The following RANBP2 variants were observed in gnomAD, a reference collection of about 807,000 sequenced individuals.
RANBP2 encodes the protein E3 SUMO-protein ligase RanBP2.
Under a neutral mutation model 303.6 loss-of-function variants are expected in RANBP2, and 57 were observed. That is an observed-to-expected ratio of 0.19 (90% CI 0.15 to 0.23). RANBP2 has a LOEUF of 0.23. RANBP2 is among the 10% of genes least tolerant of loss of function. The probability of loss-of-function intolerance (pLI) is 1.00; values close to 1 mark genes in which losing one functional copy is unlikely to be tolerated. For missense variants in RANBP2, 3,138 were observed against 3,780.8 expected (o/e 0.83, Z 4.46); for synonymous variants, 1,167 against 1,301.5 (o/e 0.90, Z 2.23).
chr2:109,554,486 G>C, the RANBP2 span, among the ~76,000 whole-genome samples: 1 of 152,268 alleles, frequency 6.6e-6, no homozygotes, highest in East Asian at 1.9e-4. Context: ...GCCCTGGACA[G>C]CATGCCATTC....
Position 108,751,695 on chromosome 2 carries a change from A to G in RANBP2, c.1623A>G (p.Arg541=). 2 of 1,610,362 alleles carry G rather than the reference A, an allele frequency of 1.2e-6. No homozygotes were observed. The highest frequency in any genetic ancestry group is 1.7e-6 in the Non-Finnish European group (2 of 1,179,174). The change falls in exon 11 of 29, where the codon AGA becomes AGG. Residue 541 remains arginine (R), a synonymous_variant. Coordinates refer to ENST00000283195, the MANE Select transcript of RANBP2 (RefSeq NM_006267.5). ...ATGCGGTTTGTACTCTGATTCACAGAAAAGCAGTGTAAGTAGTAAAACAAA... is the reference window on the plus strand; with the variant it reads ...ATGCGGTTTGTACTCTGATTCACAGGAAAGCAGTGTAAGTAGTAAAACAAA... ...WWDAVCTLIH[R]KAVPGNVAKL... is the part of the protein sequence containing the mutation.
the RANBP2 span, among the ~76,000 whole-genome samples, chr2:109,730,776 CTTTTTT>C: frequency 2.5e-5 from 2 of 79,396 alleles, no homozygotes; most frequent in African/African-American, 8.5e-5. Flanking sequence ...CTCTCTCTCT[CTTTTTT>C]TTTTTTTTTT....
the RANBP2 span, among the ~76,000 whole-genome samples, chr2:108,886,405 T>C: frequency 6.6e-6 from 1 of 152,174 alleles, no homozygotes; most frequent in Non-Finnish European, 1.5e-5. Context: ...TCTATTCATG[T>C]CCTTTGCCCA....
At chr2:109,300,128 A>G in the RANBP2 span, among the ~76,000 whole-genome samples, 1,284 of 152,268 alleles carry the variant, frequency 8.4e-3, 13 homozygotes, top group East Asian at 0.046. Context: ...AGCTAGGTGC[A>G]TGTGTCCCTG....
chr2:109,014,329 C>T, the RANBP2 span, among the ~76,000 whole-genome samples: 1 of 152,150 alleles, frequency 6.6e-6, no homozygotes, highest in African/African-American at 2.4e-5. Context: ...ATTTGAAAAC[C>T]CTGATGTGGA....
the RANBP2 span, among the ~76,000 whole-genome samples, chr2:109,671,033 G>A: frequency 6.6e-6 from 1 of 152,202 alleles, no homozygotes; most frequent in East Asian, 1.9e-4. Flanking sequence ...GGGTGTGAGT[G>A]CCTTCGCTGA....
chr2:108,808,093 TTAACA>T, the RANBP2 span, among the ~76,000 whole-genome samples: 1 of 152,236 alleles, frequency 6.6e-6, no homozygotes, highest in African/African-American at 2.4e-5. Context: ...CTTATTTCAC[TTAACA>T]TAAGTGTGTG....
the RANBP2 span, among the ~76,000 whole-genome samples, chr2:109,235,512 C>T: frequency 6.6e-6 from 1 of 152,194 alleles, no homozygotes; most frequent in Admixed American, 6.5e-5. Flanking sequence ...CACATGGGGC[C>T]ATCTGGTCAC....
At chr2:109,069,556 C>T in the RANBP2 span, among the ~76,000 whole-genome samples, 3 of 152,352 alleles carry the variant, frequency 2.0e-5, no homozygotes, top group East Asian at 5.8e-4. Context: ...TTTGCAACAT[C>T]AAAGAGTGAG....
At chr2:108,728,593 TTTATGATGATGATGA>T (rs1694917584) in intron 1 of RANBP2, among the ~76,000 whole-genome samples, 1 of 102,366 alleles carries the variant, frequency 9.8e-6, no homozygotes, top group African/African-American at 3.4e-5. Context: ...ACCCAGCTTA[TTTATGATGATGATGA>T]TGATGATGAT....
the RANBP2 span, among the ~76,000 whole-genome samples, chr2:109,262,539 C>A: frequency 6.6e-6 from 1 of 152,198 alleles, no homozygotes; most frequent in Non-Finnish European, 1.5e-5. Flanking sequence ...CCTCATCCTT[C>A]AAAGGTTTTC....
the RANBP2 span, among the ~76,000 whole-genome samples, chr2:109,376,474 C>A: frequency 1.3e-5 from 2 of 152,268 alleles, no homozygotes; most frequent in Admixed American, 6.5e-5. Flanking sequence ...TTAGCAAATA[C>A]GCCAGTGATT....
the RANBP2 span, among the ~76,000 whole-genome samples, chr2:108,819,075 C>T: frequency 6.6e-6 from 1 of 152,150 alleles, no homozygotes; most frequent in Non-Finnish European, 1.5e-5. Flanking sequence ...ATAAGACTAA[C>T]GTCATCAACA....
chr2:109,638,836 T>C, the RANBP2 span, among the ~76,000 whole-genome samples: 1 of 152,168 alleles, frequency 6.6e-6, no homozygotes. Flanking sequence ...GAAATTGCAT[T>C]GCTGAAGTGA....
At chr2:109,084,071 G>T in the RANBP2 span, among the ~76,000 whole-genome samples, 1 of 152,098 alleles carries the variant, frequency 6.6e-6, no homozygotes, top group Admixed American at 6.6e-5. Flanking sequence ...AATTGGTGTG[G>T]AACTTTAGGA....
chr2:109,515,914 C>T, the RANBP2 span, among the ~76,000 whole-genome samples: 1 of 152,186 alleles, frequency 6.6e-6, no homozygotes, highest in Non-Finnish European at 1.5e-5. Flanking sequence ...CCCCACGACC[C>T]AAACACCGCC....
At chr2:108,754,639 C>A (rs1442671518) in intron 15 of RANBP2, among the ~76,000 whole-genome samples, 1 of 151,268 alleles carries the variant, frequency 6.6e-6, no homozygotes, top group African/African-American at 2.4e-5. Context: ...AGAGCATGGA[C>A]TTTAGAATCA....
the RANBP2 span, among the ~76,000 whole-genome samples, chr2:109,101,291 C>T: frequency 6.6e-6 from 1 of 152,100 alleles, no homozygotes; most frequent in Non-Finnish European, 1.5e-5. Flanking sequence ...CTTTGAGAGA[C>T]CGAGGCAGGC....
the RANBP2 span, among the ~76,000 whole-genome samples, chr2:109,717,321 C>A: frequency 6.6e-6 from 1 of 150,632 alleles, no homozygotes; most frequent in African/African-American, 2.4e-5. Flanking sequence ...GTGGCTCACG[C>A]CTGTAATCCC....
Sources: gnomAD v4.1 joint callset for allele counts (sites outside exome capture counted in the v4.1 genomes callset) on GRCh38, gnomAD v4.1.1 for gene constraint, MANE v1.5 for transcripts, NCBI Gene and HGNC (gene_info 2026-07-23, HGNC 2026-07-21) for gene names.